ERBB4: variants seen among roughly 807,000 people sequenced by gnomAD.
The protein encoded by ERBB4 is receptor tyrosine-protein kinase erbB-4.
A neutral mutation model predicts 158.0 loss-of-function variants in ERBB4; 42 were observed. The ratio of observed to expected loss-of-function variants is 0.27; its 90% CI spans 0.21 to 0.34. The LOEUF is 0.34. ERBB4 is among the 10% of genes least tolerant of loss of function. The pLI, the probability that ERBB4 is intolerant of heterozygous loss-of-function variation, is 1.00. For missense variants in ERBB4, 1,333 were observed against 1,624.1 expected, an observed-to-expected ratio of 0.82 and a Z score of 3.08; for synonymous variants, 583 against 558.7, an observed-to-expected ratio of 1.04 and a Z score of -0.61.
intron 2 of ERBB4, among the ~76,000 whole-genome samples, chr2:211,981,035 A>G (rs2081778760): frequency 7.1e-6 from 1 of 140,542 alleles, no homozygotes; most frequent in Non-Finnish European, 1.6e-5. Context: ...TTCTTAAAGA[A>G]TGTTCTTAAA....
intron 1 of ERBB4, among the ~76,000 whole-genome samples, chr2:212,236,372 A>T (rs2105998761): frequency 6.6e-6 from 1 of 152,314 alleles, no homozygotes; most frequent in East Asian, 1.9e-4. Context: ...GTTTGCCAGC[A>T]TTTTATTGAG....
intron 22 of ERBB4, among the ~76,000 whole-genome samples, chr2:211,426,416 C>A (rs2063628115): frequency 6.6e-6 from 1 of 152,278 alleles, no homozygotes; most frequent in African/African-American, 2.4e-5. Flanking sequence ...CTGCCTTTAA[C>A]GCCTTTTGCA....
At chr2:211,524,729 C>A (rs996597063) in intron 20 of ERBB4, among the ~76,000 whole-genome samples, 2 of 150,754 alleles carry the variant, frequency 1.3e-5, no homozygotes, top group Non-Finnish European at 2.9e-5. Flanking sequence ...AAGCGCCAGG[C>A]GCAGCCCAGA....
rs114662766 is a variant in ERBB4, at chr2:212,023,296, T to C, written c.235-75680A>G. ...CATTGTAGTTCATTTTGAAATTTCA[T>C]CCCTAATGTCTTTTCCAGTTCTGCA... On this transcript the variant is annotated intron_variant, in intron 2 of 27. Coordinates refer to ENST00000342788, the MANE Select transcript of ERBB4 (RefSeq NM_005235.3). 4.6e-3 allele frequency among the ~76,000 whole-genome samples: 693 copies of C among 152,220 alleles called. 5 individuals are homozygous for C. The highest frequency in any genetic ancestry group is 0.016 in the African/African-American group (660 of 41,566).
At chr2:211,671,810 A>T (rs1456903927) in intron 14 of ERBB4, among the ~76,000 whole-genome samples, 1 of 152,172 alleles carries the variant, frequency 6.6e-6, no homozygotes, top group Non-Finnish European at 1.5e-5. Context: ...GCCATTACAG[A>T]AATGCACTTC....
chr2:212,126,583 A>T (rs1303950872), intron 1 of ERBB4, among the ~76,000 whole-genome samples: 2 of 152,066 alleles, frequency 1.3e-5, no homozygotes, highest in African/African-American at 4.8e-5. Context: ...ACTGACTCTA[A>T]TCCTAAGTAG....
intron 25 of ERBB4, among the ~76,000 whole-genome samples, chr2:211,391,044 T>C (rs954180966): frequency 4.6e-5 from 7 of 152,218 alleles, no homozygotes; most frequent in African/African-American, 1.7e-4. Context: ...AAATGTGATA[T>C]AATTGTTGTT....
At chr2:212,265,609 C>T (rs957991467) in intron 1 of ERBB4, among the ~76,000 whole-genome samples, 2 of 151,936 alleles carry the variant, frequency 1.3e-5, no homozygotes, top group African/African-American at 4.8e-5. Flanking sequence ...ACTGTCCTCC[C>T]AGTTCCACTC....
At chr2:211,600,192 C>G (rs2068758668) in intron 19 of ERBB4, among the ~76,000 whole-genome samples, 1 of 152,122 alleles carries the variant, frequency 6.6e-6, no homozygotes, top group African/African-American at 2.4e-5. Context: ...AAGGAGCTCT[C>G]CTAGGATTTT....
intron 19 of ERBB4, among the ~76,000 whole-genome samples, chr2:211,581,607 T>C (rs1030586864): frequency 6.6e-6 from 1 of 152,162 alleles, no homozygotes; most frequent in Non-Finnish European, 1.5e-5. Context: ...ACCTCCAATA[T>C]GAGTAGAATT....
chr2:211,866,108 T>C (rs2078199277), intron 3 of ERBB4, among the ~76,000 whole-genome samples: 1 of 151,874 alleles, frequency 6.6e-6, no homozygotes, highest in African/African-American at 2.4e-5. Context: ...AAAATTAACC[T>C]GGTGTGGTGG....
intron 12 of ERBB4, among the ~76,000 whole-genome samples, chr2:211,694,856 G>T (rs1029124050): frequency 6.6e-6 from 1 of 152,078 alleles, no homozygotes; most frequent in African/African-American, 2.4e-5. Flanking sequence ...GATGGGTTAG[G>T]AGTGCACAAA....
At chr2:212,352,474 T>C (rs1242505222) in intron 1 of ERBB4, among the ~76,000 whole-genome samples, 3 of 152,298 alleles carry the variant, frequency 2.0e-5, no homozygotes, top group African/African-American at 7.2e-5. Context: ...TCAAGCTAGT[T>C]GAAATTTCAA....
chr2:212,217,286 TG>T (rs2083131463), intron 1 of ERBB4, among the ~76,000 whole-genome samples: 1 of 151,324 alleles, frequency 6.6e-6, no homozygotes, highest in Admixed American at 6.6e-5. Flanking sequence ...AACCAAAATT[TG>T]TCTCCAATAT....
At chr2:212,412,109 C>G (rs1028127616) in intron 1 of ERBB4, among the ~76,000 whole-genome samples, 1 of 152,188 alleles carries the variant, frequency 6.6e-6, no homozygotes, top group African/African-American at 2.4e-5. Flanking sequence ...AAGAATCATG[C>G]CCACACCCAT....
intron 4 of ERBB4, among the ~76,000 whole-genome samples, chr2:211,752,560 GGA>G (rs1312288090): frequency 6.8e-6 from 1 of 148,096 alleles, no homozygotes; most frequent in South Asian, 2.2e-4. Flanking sequence ...TAAAGAAAGA[GGA>G]AGGAAGGAAG....
chr2:212,372,664 G>A (rs541465400), intron 1 of ERBB4, among the ~76,000 whole-genome samples: 12 of 152,120 alleles, frequency 7.9e-5, no homozygotes, highest in African/African-American at 1.7e-4. Context: ...CAGGAGAATC[G>A]CTTGAACTTG....
chr2:211,819,794 T>G (rs945972436), intron 3 of ERBB4, among the ~76,000 whole-genome samples: 2 of 151,490 alleles, frequency 1.3e-5, no homozygotes, highest in East Asian at 1.9e-4. Flanking sequence ...GTAAGGAGGG[T>G]ATTGCAATAG....
chr2:211,683,172 C>A (rs369034999), intron 12 of ERBB4, among the ~76,000 whole-genome samples: 4 of 151,534 alleles, frequency 2.6e-5, no homozygotes, highest in African/African-American at 9.7e-5. Flanking sequence ...AGAGAGATAC[C>A]GTGTTATAGA....
Sources: gnomAD v4.1 joint callset for allele counts (sites outside exome capture counted in the v4.1 genomes callset) on GRCh38, gnomAD v4.1.1 for gene constraint, MANE v1.5 for transcripts, NCBI Gene and HGNC (gene_info 2026-07-23, HGNC 2026-07-21) for gene names.